Variants in KIF15 observed in about 807,000 individuals in gnomAD.
KIF15 encodes kinesin family member 15, also known as kinesin-like protein KIF15.
KIF15 carries 140 observed loss-of-function variants against 190.6 expected under a neutral mutation model. That is an observed-to-expected ratio of 0.73 (90% CI 0.64 to 0.84). The LOEUF (loss-of-function observed/expected upper bound fraction) is 0.84, where lower values mean the gene tolerates loss of function less well. KIF15 is among the 40% of genes least tolerant of loss of function. The probability of loss-of-function intolerance (pLI) is 0.00; values close to 1 mark genes in which losing one functional copy is unlikely to be tolerated. For synonymous variants in KIF15, 528 were observed against 551.3 expected, an observed-to-expected ratio of 0.96 and a Z score of 0.59; for missense variants, 1,372 against 1,584.4, an observed-to-expected ratio of 0.87 and a Z score of 2.28.
chr3:44,831,685 G>C (rs1229314087), intron 26 of KIF15, among the ~76,000 whole-genome samples: 2 of 152,154 alleles, frequency 1.3e-5, no homozygotes, highest in Admixed American at 6.5e-5. Flanking sequence ...TGTTGTTGAT[G>C]ATGTGAACTT....
At chr3:44,813,897 C>T (rs547944907) in intron 19 of KIF15, among the ~76,000 whole-genome samples, 4 of 152,234 alleles carry the variant, frequency 2.6e-5, no homozygotes, top group East Asian at 1.9e-4. Context: ...GGATTACAGG[C>T]GTGAGCCACT....
At chr3:44,857,625 C>A (rs901283393), downstream of KIF15, among the ~76,000 whole-genome samples, 1 of 152,124 alleles carries the variant, frequency 6.6e-6, no homozygotes, top group East Asian at 1.9e-4. Flanking sequence ...TCTATAGGGT[C>A]GGCTAGATTT....
chr3:44,814,921 T>C lies in KIF15; in HGVS notation c.2394T>C (p.Ser798=). The stretch of plus-strand genomic sequence containing the variant: ...TTCTTTGTTTTTTAGTTTTGAAAAG[T>C]GAGGTACATGACCTGCGAGTAGTCC... The part of the protein sequence containing the change: ...ETQTKNDFLK[S]EVHDLRVVLH... Residue 798 remains serine, a synonymous_variant, in exon 20 of 35, where the codon AGT becomes AGC. Coordinates refer to ENST00000326047, the MANE Select transcript of KIF15 (RefSeq NM_020242.3). 6.3e-7 allele frequency: 1 copy of C among 1,584,998 alleles called. No individual in the cohort carries two copies. Among genetic ancestry groups the C allele is most frequent in the South Asian group, 1.2e-5 (1 of 85,532 alleles).
chr3:44,798,730 A>G, intron 10 of KIF15, among the ~76,000 whole-genome samples: 2 of 152,120 alleles, frequency 1.3e-5, no homozygotes, highest in East Asian at 3.9e-4. Flanking sequence ...AGGGAAAGCA[A>G]ATTAAGTATG....
intron 20 of KIF15, among the ~76,000 whole-genome samples, chr3:44,821,069 G>A (rs1177578416): frequency 3.4e-5 from 5 of 146,138 alleles, no homozygotes; most frequent in Admixed American, 6.7e-5. Flanking sequence ...GCGGCAGGCC[G>A]GGTGGCGGGC....
At chr3:44,862,071 C>A in intron 6 of KIF15, 1 of 1,112,198 alleles carries the variant, frequency 9.0e-7, no homozygotes, top group South Asian at 2.8e-5. Flanking sequence ...CCGGCGCGTT[C>A]GGGGCCCTGG....
intron 20 of KIF15, among the ~76,000 whole-genome samples, chr3:44,821,430 C>G (rs949326801): frequency 4.0e-5 from 6 of 148,850 alleles, no homozygotes; most frequent in Non-Finnish European, 9.0e-5. Context: ...CAGAGACGCT[C>G]CTCTCCTCCC....
Position 44,786,402 on chromosome 3 carries a change from C to G in KIF15, c.467C>G (p.Ala156Gly), listed in dbSNP as rs766071245. 3.7e-6 allele frequency: 6 copies of G among 1,607,212 alleles called. No homozygotes were observed. The highest frequency in any genetic ancestry group is 4.3e-6 in the Non-Finnish European group (5 of 1,175,644). Reference protein sequence around the residue: ...LIDREKEKAGAGKSFLCKCSF... With the variant: ...LIDREKEKAGGGKSFLCKCSF... ...GAGGCTTCTTTTTTACAGGCTGGAG[C>G]TGGAAAGAGTTTCCTTTGTAAGTGT... The change falls in exon 7 of 35, where the codon GCT becomes GGT. Residue 156 changes from alanine to glycine, a missense_variant. Ala to Gly is a moderately conservative substitution (Grantham distance 60, BLOSUM62 0). Transcript: ENST00000326047.
chr3:44,796,157 C>G (rs1276545266), intron 8 of KIF15, among the ~76,000 whole-genome samples: 1 of 152,174 alleles, frequency 6.6e-6, no homozygotes, highest in Non-Finnish European at 1.5e-5. Flanking sequence ...GCCACCACGC[C>G]CAGCCTAAAG....
Position 44,774,233 on chromosome 3 carries a change from A to G in KIF15, c.20-162A>G, listed in dbSNP as rs569429134. On this transcript the variant is annotated intron_variant, in intron 1 of 34. Coordinates refer to ENST00000326047, the MANE Select transcript of KIF15 (RefSeq NM_020242.3). ...GTTACAACCAGTAATGGGTTGGGAT[A>G]GAATGAGAATAGGATCAAGGCCTGG... 8.5e-5 allele frequency among the ~76,000 whole-genome samples: 13 copies of G among 152,362 alleles called. No homozygotes were observed. In the South Asian group the frequency reaches 2.5e-3, roughly 29 times the overall value.
chr3:44,811,555 G>A (rs1189444803), intron 17 of KIF15, among the ~76,000 whole-genome samples: 1 of 152,132 alleles, frequency 6.6e-6, no homozygotes, highest in African/African-American at 2.4e-5. Flanking sequence ...TGAGGCAGGA[G>A]AATTGCTTGA....
intron 24 of KIF15, among the ~76,000 whole-genome samples, chr3:44,829,372 ATATGTGTGTGTGTG>A (rs1559574082): frequency 1.5e-5 from 2 of 134,494 alleles, no homozygotes; most frequent in Non-Finnish European, 3.1e-5. Flanking sequence ...ATATATATAT[ATATGTGTGTGTGTG>A]TGTGTGTGTG....
rs370112858 is a variant in KIF15, at chr3:44,829,587, T to TG, written c.2944-384_2944-383insG. 1.4e-3 allele frequency among the ~76,000 whole-genome samples: 39 copies of TG among 28,610 alleles called. No homozygotes were observed. In the East Asian group the frequency reaches 0.021, roughly 16 times the overall value. The allele number at this position is 28,610 out of a possible 152,430, so 18.8% of individuals were successfully genotyped here. A position where few individuals can be genotyped will look rare whatever the true frequency, so the allele number is the denominator to read the frequency against. On this transcript the variant is annotated intron_variant, in intron 24 of 34. Transcript: ENST00000326047. ...TATGTATATATTATATATGTATATATTATATATTATATATGCATATATATT... is the reference window on the plus strand; with the variant it reads ...TATGTATATATTATATATGTATATATGTATATATTATATATGCATATATATT...
chr3:44,785,411 A>G (rs1466796862), intron 6 of KIF15, among the ~76,000 whole-genome samples: 1 of 152,154 alleles, frequency 6.6e-6, no homozygotes, highest in Non-Finnish European at 1.5e-5. Flanking sequence ...ACTGCCTTCC[A>G]TGATCTTTGT....
intron 18 of KIF15, 130 bp downstream of exon 18, chr3:44,812,419 A>C (rs1213664275): frequency 2.1e-5 from 14 of 678,100 alleles, no homozygotes; most frequent in Non-Finnish European, 3.6e-5. Flanking sequence ...TCACAGAAAG[A>C]AAATGTTGTC....
Position 44,862,183 on chromosome 3 carries a change from A to G in KIF15, c.*59+9389A>G, listed in dbSNP as rs1219427343. 6 of 427,244 alleles carry G rather than the reference A, an allele frequency of 1.4e-5. No homozygotes were observed. In the African/African-American group the frequency reaches 5.0e-4, roughly 35 times the overall value. 26.5% of individuals were successfully genotyped at this position (427,244 alleles called of 1,614,324 possible). On this transcript the variant is annotated intron_variant and NMD_transcript_variant, in intron 6 of 6. Coordinates refer to the KIF15 transcript ENST00000422209. Reference sequence around the variant, plus strand: ...CGGGCGGGGCGCCGCTGGGCGGAGGAGGGGCGCTGCGGGGCCCGCGGGGCT... The same window carrying G: ...CGGGCGGGGCGCCGCTGGGCGGAGGGGGGGCGCTGCGGGGCCCGCGGGGCT...
intron 16 of KIF15, among the ~76,000 whole-genome samples, chr3:44,807,695 G>GGTGTGT (rs143004356): frequency 3.4e-4 from 50 of 149,240 alleles, no homozygotes; most frequent in Admixed American, 1.8e-3. Context: ...ACAGCTTGAG[G>GGTGTGT]GTGTGTGTGT....
intron 7 of KIF15, among the ~76,000 whole-genome samples, chr3:44,790,540 C>G (rs1245371050): frequency 1.3e-5 from 2 of 151,926 alleles, no homozygotes; most frequent in Non-Finnish European, 2.9e-5. Context: ...TATATATCTT[C>G]CTTTTATTTT....
At chr3:44,798,811 C>G (rs1024571433) in intron 10 of KIF15, among the ~76,000 whole-genome samples, 1 of 152,298 alleles carries the variant, frequency 6.6e-6, no homozygotes, top group Middle Eastern at 3.4e-3. Context: ...TCTTCTGATT[C>G]AGTTCCATCC....
Sources: allele counts gnomAD v4.1 joint callset (sites outside exome capture counted in the v4.1 genomes callset), GRCh38; gene constraint gnomAD v4.1.1; transcripts MANE v1.5; gene names NCBI Gene and HGNC (gene_info 2026-07-23, HGNC 2026-07-21).